The following CPNE8 variants were observed in gnomAD, a reference collection of about 807,000 sequenced individuals.
The protein encoded by CPNE8 is copine-8.
CPNE8 carries 45 observed loss-of-function variants against 81.5 expected under a neutral mutation model. The observed-to-expected ratio is 0.55, with a 90% CI of 0.44 to 0.71. The LOEUF is 0.71. Among genes scored for constraint, CPNE8 ranks in the 30% least tolerant of loss-of-function variants. CPNE8 has a pLI of 0.00. For synonymous variants in CPNE8, 252 were observed against 226.3 expected (o/e 1.11, Z -1.02); for missense variants, 594 against 672.1 (o/e 0.88, Z 1.28).
rs77602801 is a variant in CPNE8, at chr12:38,864,826, G to A, written c.186+8178C>T. ...GAGAACAAAAGCACAGATCATAAAG[G>A]ATATGTTATGATTATAAAGGATCAT... On this transcript the variant is annotated intron_variant, in intron 3 of 19. Transcript: ENST00000331366. 6.5e-3 allele frequency among the ~76,000 whole-genome samples: 990 copies of A among 152,232 alleles called. 45 individuals are homozygous for A. In the East Asian group the frequency reaches 0.12, roughly 19 times the overall value.
In CPNE8 at chr12:38,762,166, A is replaced by G. The variant is rs746428194; in HGVS notation, c.626T>C (p.Val209Ala). 122 of 1,605,828 alleles carry G rather than the reference A, an allele frequency of 7.6e-5. No homozygotes were observed. The highest frequency in any genetic ancestry group is 1.0e-4 in the Non-Finnish European group (117 of 1,175,842). Residue 209 changes from valine to alanine, a missense_variant, in exon 9 of 20, where the codon GTA becomes GCA. Physicochemically the swap from Val to Ala is moderately conservative, Grantham distance 64. Coordinates refer to ENST00000331366, the MANE Select transcript of CPNE8 (RefSeq NM_153634.3). ...GACTGAGATCTTGAATGCTTGCCAT[A>G]CTGGATTTAGAGTGTTTTTGACAAC... The part of the protein sequence containing the change: ...TEVVKNTLNP[V>A]WQAFKISVRA...
chr12:38,690,824 CTTCAGACTTAGAATCACA>C (rs1185674366), intron 15 of CPNE8, among the ~76,000 whole-genome samples: 1 of 152,134 alleles, frequency 6.6e-6, no homozygotes, highest in East Asian at 1.9e-4. Flanking sequence ...TCCTGAGGCA[CTTCAGACTTAGAATCACA>C]TGAGTGATTT....
At chr12:38,888,384 A>G (rs1156797191) in intron 1 of CPNE8, among the ~76,000 whole-genome samples, 2 of 152,228 alleles carry the variant, frequency 1.3e-5, no homozygotes, top group Admixed American at 6.5e-5. Flanking sequence ...AAACAATAAC[A>G]TGCTTGTAAA....
intron 6 of CPNE8, among the ~76,000 whole-genome samples, chr12:38,786,280 TC>T (rs1942185602): frequency 6.6e-6 from 1 of 152,154 alleles, no homozygotes; most frequent in Non-Finnish European, 1.5e-5. Context: ...AAAGTATTGA[TC>T]CTGGGTGTGT....
At chr12:38,870,939 C>T (rs1943983600) in intron 3 of CPNE8, among the ~76,000 whole-genome samples, 1 of 151,852 alleles carries the variant, frequency 6.6e-6, no homozygotes, top group African/African-American at 2.4e-5. Context: ...TCTCATGAAA[C>T]ATAAGGATTA....
intron 11 of CPNE8, 64 bp downstream of exon 11, chr12:38,730,219 C>A: frequency 1.0e-6 from 1 of 1,001,336 alleles, no homozygotes; most frequent in Non-Finnish European, 1.6e-6. Flanking sequence ...GCAGAATCCA[C>A]ACTTTTAAAG....
At chr12:38,856,824 C>G (rs1592140086) in intron 3 of CPNE8, among the ~76,000 whole-genome samples, 1 of 152,020 alleles carries the variant, frequency 6.6e-6, no homozygotes, top group African/African-American at 2.4e-5. Context: ...AAATTTTAGG[C>G]TGTGGTTTTT....
At chr12:38,838,227 T>C (rs1441282611) in intron 5 of CPNE8, among the ~76,000 whole-genome samples, 1 of 152,176 alleles carries the variant, frequency 6.6e-6, no homozygotes, top group Non-Finnish European at 1.5e-5. Flanking sequence ...TGGAAGTCTA[T>C]GTCCAGTCAG....
At chr12:38,818,325 C>T (rs1943060773) in intron 6 of CPNE8, among the ~76,000 whole-genome samples, 1 of 152,078 alleles carries the variant, frequency 6.6e-6, no homozygotes, top group Admixed American at 6.5e-5. Context: ...GTGATGTTCC[C>T]CTCCCTGTGT....
intron 1 of CPNE8, among the ~76,000 whole-genome samples, chr12:38,876,714 T>G (rs1565658634): frequency 6.6e-6 from 1 of 152,228 alleles, no homozygotes; most frequent in Non-Finnish European, 1.5e-5. Context: ...GGTAATAATT[T>G]TACCTGTACT....
At chr12:38,795,094 A>C (rs1942426162) in intron 6 of CPNE8, among the ~76,000 whole-genome samples, 1 of 152,206 alleles carries the variant, frequency 6.6e-6, no homozygotes, top group Non-Finnish European at 1.5e-5. Context: ...TTGGGCCTTC[A>C]GCCACAAACT....
At position 38,802,381 on chromosome 12, in the gene CPNE8, A is replaced by C. The variant is rs1167205618; in HGVS notation, c.408-26080T>G. Among the ~76,000 whole-genome samples the C allele has an allele frequency of 1.0e-4, 3 of 30,140 alleles. 1 individual carries two copies. Among genetic ancestry groups the C allele is most frequent in the African/African-American group, 1.6e-4 (3 of 18,342 alleles). 19.8% of individuals were successfully genotyped at this position (30,140 alleles called of 152,430 possible). A position where few individuals can be genotyped will look rare whatever the true frequency, so the allele number is the denominator to read the frequency against. On this transcript the variant is annotated intron_variant, in intron 6 of 19. Coordinates refer to ENST00000331366, the MANE Select transcript of CPNE8 (RefSeq NM_153634.3). ...ACTCAAAGCCACTCAACTACATGGA[A>C]ACTGAACAACCTGCTCCTGAATGAC...
intron 6 of CPNE8, among the ~76,000 whole-genome samples, chr12:38,795,063 T>A (rs1942425415): frequency 6.6e-6 from 1 of 152,212 alleles, no homozygotes; most frequent in Admixed American, 6.5e-5. Flanking sequence ...TTTTGGAATC[T>A]TGGACTTATA....
chr12:38,803,684 AG>A (rs1219737962), intron 6 of CPNE8, among the ~76,000 whole-genome samples: 2 of 150,434 alleles, frequency 1.3e-5, no homozygotes, highest in African/African-American at 2.4e-5. Flanking sequence ...AAGGAAATAA[AG>A]GGTATTCAAT....
chr12:38,905,214 C>T (rs1351499926), intron 1 of CPNE8, among the ~76,000 whole-genome samples: 1 of 152,158 alleles, frequency 6.6e-6, no homozygotes, highest in Admixed American at 6.5e-5. Flanking sequence ...CAGCGTTTCC[C>T]AGAAAGAAAA....
At chr12:38,807,473 A>G (rs1391997292) in intron 6 of CPNE8, among the ~76,000 whole-genome samples, 2 of 151,838 alleles carry the variant, frequency 1.3e-5, no homozygotes, top group Non-Finnish European at 2.9e-5. Context: ...CTGATCTTTG[A>G]CAAACCTGAG....
At chr12:38,672,582 T>A (rs1462180024) in intron 18 of CPNE8, among the ~76,000 whole-genome samples, 1 of 152,226 alleles carries the variant, frequency 6.6e-6, no homozygotes, top group African/African-American at 2.4e-5. Context: ...ACAATGAAGT[T>A]AGAAACCCTT....
chr12:38,687,440 G>C (rs1474707031), intron 15 of CPNE8, among the ~76,000 whole-genome samples: 1 of 135,586 alleles, frequency 7.4e-6, no homozygotes, highest in East Asian at 2.2e-4. Context: ...GGAGTGTAAT[G>C]GCCGGATCTC....
chr12:38,799,360 T>G (rs1231841105), intron 6 of CPNE8, among the ~76,000 whole-genome samples: 1 of 152,102 alleles, frequency 6.6e-6, no homozygotes, highest in Admixed American at 6.5e-5. Flanking sequence ...CAGACCACAG[T>G]GCAATCAAAC....
Sources: gnomAD v4.1 joint callset for allele counts (sites outside exome capture counted in the v4.1 genomes callset) on GRCh38, gnomAD v4.1.1 for gene constraint, MANE v1.5 for transcripts, NCBI Gene and HGNC (gene_info 2026-07-23, HGNC 2026-07-21) for gene names.